Variants in PBX3 observed in about 807,000 individuals in gnomAD.
PBX3 encodes PBX homeobox 3, also known as pre-B-cell leukemia transcription factor 3.
A neutral mutation model predicts 48.5 loss-of-function variants in PBX3; 14 were observed. The observed-to-expected ratio is 0.29, with a 90% CI of 0.19 to 0.45. The LOEUF is 0.45. Ranked by LOEUF, PBX3 falls within the 20% of genes least tolerant of loss-of-function variation. The pLI, the probability that PBX3 is intolerant of heterozygous loss-of-function variation, is 1.00. For synonymous variants in PBX3, 210 were observed against 200.3 expected (o/e 1.05, Z -0.41); for missense variants, 386 against 546.7 (o/e 0.71, Z 2.93).
In PBX3 at chr9:125,965,858, A is replaced by G. The variant is rs1479140109; in HGVS notation, c.1240A>G (p.Thr414Ala). Residue 414 changes from threonine to alanine, a missense_variant, in exon 9 of 9, where the codon ACT (threonine) becomes GCT (alanine). Thr to Ala is a moderately conservative substitution (Grantham distance 58). This residue lies in a region of PBX3 where 127 missense variants were observed against 143.3 expected (regional missense o/e 0.89). Coordinates refer to ENST00000373489, the MANE Select transcript of PBX3 (RefSeq NM_006195.6). ...NANGGWQDAT[T>A]PSSVTSPTEG... ...TAATGGAGGCTGGCAGGACGCAACA[A>G]CTCCATCTTCTGTGACTTCTCCTAC... 1 of 1,613,894 alleles carries G rather than the reference A, an allele frequency of 6.2e-7. No individual in the cohort carries two copies. The highest frequency in any genetic ancestry group is 2.2e-5 in the East Asian group (1 of 44,874).
intron 2 of PBX3, among the ~76,000 whole-genome samples, chr9:125,794,680 A>T (rs932105035): frequency 6.0e-5 from 9 of 150,544 alleles, no homozygotes; most frequent in Non-Finnish European, 4.4e-5. Flanking sequence ...CTATGAAGGG[A>T]AAGTAGGAGA....
rs1294243112 is a variant in PBX3, at chr9:125,963,073, A to G, written c.1184A>G (p.Asn395Ser). 1.1e-5 allele frequency: 18 copies of G among 1,607,682 alleles called. No homozygotes were observed. The highest frequency in any genetic ancestry group is 5.3e-5 in the African/African-American group (4 of 74,962). The change falls in exon 8 of 9, where the codon AAT becomes AGT. Residue 395 changes from asparagine to serine, a missense_variant. This residue lies in a region of PBX3 where 127 missense variants were observed against 143.3 expected (regional missense o/e 0.89). Coordinates refer to ENST00000373489, the MANE Select transcript of PBX3 (RefSeq NM_006195.6). ...TGGYSDGLGGNSLYSPHNLNA... is the reference protein window; with the variant it reads ...TGGYSDGLGGSSLYSPHNLNA... The stretch of plus-strand genomic sequence containing the variant: ...GGCTACAGTGATGGCCTTGGAGGAA[A>G]TTCACTGTACAGTCCACATAATTTA...
intron 2 of PBX3, among the ~76,000 whole-genome samples, chr9:125,867,306 G>A (rs1046746474): frequency 2.7e-4 from 41 of 151,956 alleles, no homozygotes; most frequent in African/African-American, 9.9e-4. Context: ...ATTTTTAAAT[G>A]TTGCTGGAGG....
chr9:125,772,033 A>G (rs949787846), intron 2 of PBX3, among the ~76,000 whole-genome samples: 6 of 152,194 alleles, frequency 3.9e-5, no homozygotes. Context: ...TGGTAGATAT[A>G]TGAAAAGTAG....
intron 1 of PBX3, chr9:125,748,264 GC>G: frequency 9.4e-7 from 1 of 1,064,932 alleles, no homozygotes; most frequent in Non-Finnish European, 1.1e-6. Flanking sequence ...GCCTTCGCCT[GC>G]CCCCGGGGCG....
In PBX3 at chr9:125,949,495, G is replaced by A. The variant is rs143132027; in HGVS notation, c.844-11189G>A. On this transcript the variant is annotated intron_variant, in intron 5 of 8. Coordinates refer to ENST00000373489, the MANE Select transcript of PBX3 (RefSeq NM_006195.6). Reference sequence around the variant, plus strand: ...GAGCCAGGGAGGGGCATGAGGGTGTGTCTGTTCTTAGTCTCTGATGGACCT... The same window carrying A: ...GAGCCAGGGAGGGGCATGAGGGTGTATCTGTTCTTAGTCTCTGATGGACCT... 7.4e-3 allele frequency: 11,483 copies of A among 1,549,988 alleles called. 64 individuals carry two copies. The highest frequency in any genetic ancestry group is 9.2e-3 in the Non-Finnish European group (10,575 of 1,146,712).
At chr9:125,903,816 A>G (rs1022855415) in intron 2 of PBX3, among the ~76,000 whole-genome samples, 3 of 151,864 alleles carry the variant, frequency 2.0e-5, no homozygotes, top group African/African-American at 7.2e-5. Flanking sequence ...CTAACATAAT[A>G]TGTATAAGAG....
At chr9:125,811,322 G>A (rs1216384571) in intron 2 of PBX3, among the ~76,000 whole-genome samples, 2 of 152,146 alleles carry the variant, frequency 1.3e-5, no homozygotes, top group African/African-American at 2.4e-5. Context: ...GCAGGATCAG[G>A]CTGTGATATG....
intron 2 of PBX3, among the ~76,000 whole-genome samples, chr9:125,915,474 T>C (rs577729612): frequency 2.1e-4 from 32 of 152,260 alleles, no homozygotes; most frequent in African/African-American, 7.7e-4. Flanking sequence ...GGGGGGGTAT[T>C]TAAAATTCTA....
chr9:125,897,752 G>A (rs1840808357), intron 2 of PBX3, among the ~76,000 whole-genome samples: 1 of 151,822 alleles, frequency 6.6e-6, no homozygotes, highest in Admixed American at 6.6e-5. Context: ...CCATAGAAGT[G>A]CATGTTTGCT....
chr9:125,929,494 C>T (rs1395463652), intron 3 of PBX3, among the ~76,000 whole-genome samples, 161 bp from the exon 4 acceptor site: 2 of 152,182 alleles, frequency 1.3e-5, no homozygotes, highest in Non-Finnish European at 2.9e-5. Flanking sequence ...GCTGCCTTAA[C>T]TACTATTACT....
At chr9:125,825,093 GGATAACATGGC>G (rs1179710531) in intron 2 of PBX3, among the ~76,000 whole-genome samples, 1 of 152,158 alleles carries the variant, frequency 6.6e-6, no homozygotes, top group East Asian at 1.9e-4. Flanking sequence ...AGACCAGCCT[GGATAACATGGC>G]GAAACCTTAT....
At chr9:125,782,749 C>G (rs1379089748) in intron 2 of PBX3, among the ~76,000 whole-genome samples, 1 of 152,208 alleles carries the variant, frequency 6.6e-6, no homozygotes. Context: ...GGTCTACTAA[C>G]AGTGAAATTT....
intron 2 of PBX3, among the ~76,000 whole-genome samples, chr9:125,781,551 G>GGAGAGGGGAGAGGC (rs1467463525): frequency 2.9e-5 from 4 of 136,540 alleles, no homozygotes; most frequent in Non-Finnish European, 6.3e-5. Flanking sequence ...AGGGGAGAGG[G>GGAGAGGGGAGAGGC]GAGAGGGGAG....
intron 3 of PBX3, among the ~76,000 whole-genome samples, chr9:125,926,077 G>A (rs1257822431): frequency 6.6e-6 from 1 of 152,200 alleles, no homozygotes; most frequent in African/African-American, 2.4e-5. Context: ...TTGTTTTACT[G>A]ATGAGAAAAC....
At chr9:125,802,012 C>CTGAT (rs1194589553) in intron 2 of PBX3, among the ~76,000 whole-genome samples, 8 of 152,116 alleles carry the variant, frequency 5.3e-5, no homozygotes, top group Non-Finnish European at 7.4e-5. Flanking sequence ...TGGGTGAGTC[C>CTGAT]TGATTGTGCC....
At chr9:125,801,616 A>T (rs1837946848) in intron 2 of PBX3, among the ~76,000 whole-genome samples, 1 of 152,210 alleles carries the variant, frequency 6.6e-6, no homozygotes, top group African/African-American at 2.4e-5. Context: ...CCCTTCTCTC[A>T]TAATAAAATT....
chr9:125,961,198 G>A (rs897483568), intron 6 of PBX3, among the ~76,000 whole-genome samples: 2 of 152,218 alleles, frequency 1.3e-5, no homozygotes, highest in Non-Finnish European at 2.9e-5. Context: ...GAGTGAAATA[G>A]CAGAAGTGGG....
At chr9:125,866,075 G>C (rs529839768) in intron 2 of PBX3, among the ~76,000 whole-genome samples, 267 of 151,416 alleles carry the variant, frequency 1.8e-3, no homozygotes, top group Non-Finnish European at 2.7e-3. Flanking sequence ...AAAAAGCAAC[G>C]GTCACATAAA....
Sources: allele counts gnomAD v4.1 joint callset (sites outside exome capture counted in the v4.1 genomes callset), GRCh38; gene constraint gnomAD v4.1.1; regional missense constraint gnomAD v4.1.1; transcripts MANE v1.5; gene names NCBI Gene and HGNC (gene_info 2026-07-23, HGNC 2026-07-21).